Variants in ERC2 observed in about 807,000 individuals in gnomAD.
ERC2 encodes the protein ERC protein 2.
In ERC2, 42 loss-of-function variants were observed where a neutral mutation model predicts 114.8. The ratio of observed to expected loss-of-function variants is 0.37; its 90% CI spans 0.29 to 0.47. ERC2 has a LOEUF of 0.47. ERC2 is among the 20% of genes least tolerant of loss of function. The pLI, the probability that ERC2 is intolerant of heterozygous loss-of-function variation, is 0.99. For missense variants in ERC2, 939 were observed against 1,150.7 expected (o/e 0.82, Z 2.66); for synonymous variants, 454 against 425.5 (o/e 1.07, Z -0.82).
intron 12 of ERC2, among the ~76,000 whole-genome samples, chr3:55,962,997 T>C (rs2068495874): frequency 6.6e-6 from 1 of 152,214 alleles, no homozygotes; most frequent in South Asian, 2.1e-4. Flanking sequence ...GTAGCTTGGT[T>C]GACTATTAGA....
At chr3:55,955,247 T>C (rs1576347741) in intron 12 of ERC2, 1 of 433,494 alleles carries the variant, frequency 2.3e-6, no homozygotes, top group East Asian at 6.8e-5. Context: ...TGGTGGTGTG[T>C]TTGTGTGTGT....
chr3:56,306,049 G>T (rs1257123053), intron 2 of ERC2, among the ~76,000 whole-genome samples: 1 of 151,874 alleles, frequency 6.6e-6, no homozygotes, highest in African/African-American at 2.4e-5. Flanking sequence ...GGGTTTCTCC[G>T]TGTTGCCCAG....
intron 17 of ERC2, among the ~76,000 whole-genome samples, chr3:55,614,952 TAC>T (rs1350265712): frequency 3.3e-5 from 5 of 152,258 alleles, no homozygotes; most frequent in Admixed American, 1.3e-4. Flanking sequence ...AAAAACAACC[TAC>T]CACTTTAAGG....
intron 14 of ERC2, among the ~76,000 whole-genome samples, chr3:55,810,109 T>C (rs2059657229): frequency 6.6e-6 from 1 of 152,208 alleles, no homozygotes; most frequent in South Asian, 2.1e-4. Flanking sequence ...AAATCCATCT[T>C]AGTCCTCCAT....
At chr3:55,928,217 C>T (rs545377605) in intron 13 of ERC2, among the ~76,000 whole-genome samples, 1 of 152,260 alleles carries the variant, frequency 6.6e-6, no homozygotes, top group South Asian at 2.1e-4. Flanking sequence ...ATAGTGGTTA[C>T]ACTCCTACCA....
chr3:56,000,360 T>C (rs2071937471), intron 10 of ERC2, among the ~76,000 whole-genome samples: 1 of 152,048 alleles, frequency 6.6e-6, no homozygotes, highest in East Asian at 1.9e-4. Flanking sequence ...AAAATTGTTC[T>C]CTATATACAT....
chr3:56,049,816 A>ATG (rs1560088845), intron 7 of ERC2, among the ~76,000 whole-genome samples: 1 of 115,544 alleles, frequency 8.7e-6, no homozygotes, highest in African/African-American at 3.0e-5. Context: ...CTCCCATCAT[A>ATG]TATGTGTGTG....
At chr3:56,369,477 T>C (rs939563271) in intron 2 of ERC2, among the ~76,000 whole-genome samples, 2 of 152,214 alleles carry the variant, frequency 1.3e-5, no homozygotes, top group African/African-American at 4.8e-5. Flanking sequence ...GGACTAATTA[T>C]TACAATCTAT....
chr3:56,444,537 T>G (rs1015455782), intron 1 of ERC2, among the ~76,000 whole-genome samples: 3 of 152,176 alleles, frequency 2.0e-5, no homozygotes, highest in Non-Finnish European at 4.4e-5. Flanking sequence ...TCTAATTGCA[T>G]AGGAATTCAT....
chr3:56,272,220 G>A (rs1246129127), intron 3 of ERC2, among the ~76,000 whole-genome samples: 1 of 152,064 alleles, frequency 6.6e-6, no homozygotes, highest in African/African-American at 2.4e-5. Context: ...ACCAACCTGG[G>A]CACACCAAAA....
intron 1 of ERC2, among the ~76,000 whole-genome samples, chr3:56,460,038 G>A (rs2063240667): frequency 6.6e-6 from 1 of 152,242 alleles, no homozygotes; most frequent in African/African-American, 2.4e-5. Flanking sequence ...CCAGCCAAGT[G>A]CTGAAGAAAT....
At chr3:55,546,006 G>A (rs1249944298) in intron 17 of ERC2, among the ~76,000 whole-genome samples, 3 of 152,180 alleles carry the variant, frequency 2.0e-5, no homozygotes, top group African/African-American at 2.4e-5. Flanking sequence ...ATACATGGAC[G>A]GAAAGGAGAG....
intron 16 of ERC2, among the ~76,000 whole-genome samples, chr3:55,686,373 A>G (rs891007718): frequency 6.6e-6 from 1 of 152,216 alleles, no homozygotes; most frequent in African/African-American, 2.4e-5. Flanking sequence ...AAGAAAATAG[A>G]GAAGTGGTGG....
chr3:56,333,933 C>T (rs2057742904), intron 2 of ERC2, among the ~76,000 whole-genome samples: 2 of 152,208 alleles, frequency 1.3e-5, no homozygotes. Context: ...ATAACCCACT[C>T]TCTCCCACTG....
chr3:55,562,888 T>A (rs2173623), intron 17 of ERC2, among the ~76,000 whole-genome samples: 1 of 151,992 alleles, frequency 6.6e-6, no homozygotes, highest in African/African-American at 2.4e-5. Flanking sequence ...AACTGACAGG[T>A]GTAAAATTTT....
intron 17 of ERC2, among the ~76,000 whole-genome samples, chr3:55,598,986 T>G (rs544871232): frequency 6.6e-5 from 10 of 152,366 alleles, no homozygotes; most frequent in African/African-American, 2.2e-4. Context: ...TCCCTTGGAT[T>G]GGCAGCTACT....
rs138660319 is a variant in ERC2, at chr3:55,633,874, G to A, written c.*39+49920C>T. Among the ~76,000 whole-genome samples the A allele has an allele frequency of 2.5e-3, 380 of 152,166 alleles. 2 individuals carry two copies. Among genetic ancestry groups the A allele is most frequent in the African/African-American group, 8.8e-3 (364 of 41,508 alleles). Reference sequence around the variant, plus strand: ...GATGCACATCCCTCCAGTCCCCTTCGTTTCTCATCACAAAACACACCATGC... The same window carrying A: ...GATGCACATCCCTCCAGTCCCCTTCATTTCTCATCACAAAACACACCATGC... On this transcript the variant is annotated intron_variant, in intron 17 of 17. Transcript: ENST00000288221.
At chr3:56,387,160 A>G (rs949034757) in intron 2 of ERC2, among the ~76,000 whole-genome samples, 6 of 152,230 alleles carry the variant, frequency 3.9e-5, no homozygotes, top group Admixed American at 2.0e-4. Context: ...TGGCTATATA[A>G]TAAATAAATA....
intron 13 of ERC2, among the ~76,000 whole-genome samples, chr3:55,890,895 C>A (rs1258680254): frequency 1.3e-5 from 2 of 152,192 alleles, no homozygotes; most frequent in African/African-American, 2.4e-5. Context: ...TTAGCATGAC[C>A]ACTGCTTCTC....
Sources: gnomAD v4.1 joint callset for allele counts (sites outside exome capture counted in the v4.1 genomes callset) on GRCh38, gnomAD v4.1.1 for gene constraint, MANE v1.5 for transcripts, NCBI Gene and HGNC (gene_info 2026-07-23, HGNC 2026-07-21) for gene names.